The following DLGAP1 variants were observed in gnomAD, a reference collection of about 807,000 sequenced individuals.
DLGAP1 encodes disks large-associated protein 1.
DLGAP1 carries 11 observed loss-of-function variants against 90.8 expected under a neutral mutation model. The ratio of observed to expected loss-of-function variants is 0.12; its 90% confidence interval spans 0.08 to 0.20. DLGAP1 has a LOEUF of 0.20. Among genes scored for constraint, DLGAP1 ranks in the 10% least tolerant of loss-of-function variants. The pLI is 1.00. For missense variants in DLGAP1, 1,050 were observed against 1,333.8 expected (o/e 0.79, Z 3.31); for synonymous variants, 558 against 540.7 (o/e 1.03, Z -0.44).
At chr18:3,793,218 GCT>G (rs972216811) in intron 5 of DLGAP1, among the ~76,000 whole-genome samples, 3 of 152,090 alleles carry the variant, frequency 2.0e-5, no homozygotes, top group Non-Finnish European at 2.9e-5. Context: ...CCAATGGCCA[GCT>G]CTGTTTTCTT....
At chr18:3,536,876 G>C (rs1285256048) in intron 9 of DLGAP1, among the ~76,000 whole-genome samples, 1 of 152,138 alleles carries the variant, frequency 6.6e-6, no homozygotes, top group Non-Finnish European at 1.5e-5. Flanking sequence ...GAGAAGCAAG[G>C]AACTCTTTCT....
chr18:3,512,637 C>T (rs905675287), intron 10 of DLGAP1, among the ~76,000 whole-genome samples: 2 of 152,290 alleles, frequency 1.3e-5, no homozygotes, highest in East Asian at 1.9e-4. Flanking sequence ...CACAAACAGG[C>T]ATCTAATTAG....
intron 1 of DLGAP1, among the ~76,000 whole-genome samples, chr18:4,234,125 CT>C (rs2078356705): frequency 1.5e-5 from 2 of 134,450 alleles, no homozygotes; most frequent in South Asian, 4.5e-4. Context: ...TTTTTAGTTT[CT>C]TGGATGGAAG....
At chr18:3,737,203 C>T (rs2062683136) in intron 6 of DLGAP1, among the ~76,000 whole-genome samples, 1 of 151,128 alleles carries the variant, frequency 6.6e-6, no homozygotes, top group African/African-American at 2.4e-5. Flanking sequence ...CAAGGAGGAA[C>T]TGGTACCATT....
At chr18:4,326,314 A>G (rs1166153039) in intron 1 of DLGAP1, among the ~76,000 whole-genome samples, 1 of 152,178 alleles carries the variant, frequency 6.6e-6, no homozygotes, top group African/African-American at 2.4e-5. Flanking sequence ...CACAGATGTC[A>G]GAATGTCTAT....
chr18:4,016,335 C>T (rs2074523056), intron 2 of DLGAP1, among the ~76,000 whole-genome samples: 1 of 152,242 alleles, frequency 6.6e-6, no homozygotes, highest in Non-Finnish European at 1.5e-5. Flanking sequence ...TGAGCGGCCT[C>T]ACCTGTTATC....
At chr18:3,954,606 G>A (rs2073049474) in intron 3 of DLGAP1, among the ~76,000 whole-genome samples, 1 of 152,162 alleles carries the variant, frequency 6.6e-6, no homozygotes, top group African/African-American at 2.4e-5. Flanking sequence ...CAAATAAAGG[G>A]AAAGTCTCAG....
In DLGAP1 at chr18:4,317,002, C is replaced by G. The variant is rs573427854; in HGVS notation, c.-267+138004G>C. On this transcript the variant is annotated intron_variant, in intron 1 of 12. Transcript: ENST00000315677. The stretch of plus-strand genomic sequence containing the variant: ...TCCTCCTTCCCTCATGACCTACACC[C>G]AGGTCTACTGGTGAGGTCCCTGCTG... 7.5e-5 allele frequency among the ~76,000 whole-genome samples: 11 copies of G among 146,716 alleles called. No individual in the cohort carries two copies. In the South Asian group the frequency reaches 2.4e-3, roughly 32 times the overall value.
chr18:4,066,261 C>T (rs1008871250), intron 2 of DLGAP1, among the ~76,000 whole-genome samples: 1 of 152,060 alleles, frequency 6.6e-6, no homozygotes. Flanking sequence ...TCAAAGATTT[C>T]ATGATGAAGA....
At chr18:3,776,726 AAAAAAC>A (rs776352115) in intron 5 of DLGAP1, among the ~76,000 whole-genome samples, 48 of 152,320 alleles carry the variant, frequency 3.2e-4, no homozygotes, top group Middle Eastern at 3.4e-3. Context: ...GTTGCTATTT[AAAAAAC>A]AAAAACAAAA....
chr18:4,260,365 C>T (rs753949550), intron 1 of DLGAP1, among the ~76,000 whole-genome samples: 2 of 152,152 alleles, frequency 1.3e-5, no homozygotes, highest in Non-Finnish European at 2.9e-5. Context: ...GCTGGAAAGT[C>T]CCAACCTGCG....
At chr18:4,352,852 A>T (rs1307463931) in intron 1 of DLGAP1, among the ~76,000 whole-genome samples, 2 of 152,110 alleles carry the variant, frequency 1.3e-5, no homozygotes, top group African/African-American at 4.8e-5. Flanking sequence ...AATCCCCGTT[A>T]CTTTTGTAAA....
At chr18:4,147,393 A>G (rs1040792294) in intron 2 of DLGAP1, among the ~76,000 whole-genome samples, 4 of 152,154 alleles carry the variant, frequency 2.6e-5, no homozygotes, top group Non-Finnish European at 5.9e-5. Flanking sequence ...GGCTTTAACT[A>G]TGTAGTGTTA....
chr18:3,988,841 C>A (rs1485506770), intron 3 of DLGAP1, among the ~76,000 whole-genome samples: 2 of 152,208 alleles, frequency 1.3e-5, no homozygotes, highest in African/African-American at 4.8e-5. Context: ...AAATCAGTTT[C>A]TAATGCCAGT....
chr18:4,436,403 A>G (rs1021284606), intron 1 of DLGAP1, among the ~76,000 whole-genome samples: 1 of 151,990 alleles, frequency 6.6e-6, no homozygotes, highest in Non-Finnish European at 1.5e-5. Flanking sequence ...AAAGTTTCTG[A>G]TTCAGTATTT....
At position 3,762,071 on chromosome 18, in the gene DLGAP1, T is replaced by C. The variant is rs1396543024; in HGVS notation, c.1173-19559A>G. On this transcript the variant is annotated intron_variant, in intron 5 of 12. Coordinates refer to ENST00000315677, the MANE Select transcript of DLGAP1 (RefSeq NM_004746.4). ...GCTAATTCAGTGCCAGTTTTAAGGATGCTAAATAATATAGTAGTACTTCAG... is the reference window on the plus strand; with the variant it reads ...GCTAATTCAGTGCCAGTTTTAAGGACGCTAAATAATATAGTAGTACTTCAG... 1.3e-5 allele frequency among the ~76,000 whole-genome samples: 2 copies of C among 152,214 alleles called. 1 individual carries two copies. Among genetic ancestry groups the C allele is most frequent in the Non-Finnish European group, 2.9e-5 (2 of 68,046 alleles).
At chr18:3,975,467 G>A (rs191449830) in intron 3 of DLGAP1, among the ~76,000 whole-genome samples, 39 of 152,294 alleles carry the variant, frequency 2.6e-4, no homozygotes, top group Middle Eastern at 3.4e-3. Context: ...TGGCAAAGAT[G>A]TGGAGAAATT....
At chr18:3,874,396 G>C in intron 4 of DLGAP1, 3 of 1,448,412 alleles carry the variant, frequency 2.1e-6, no homozygotes, top group Admixed American at 2.8e-5. Flanking sequence ...CTGTTTGAAG[G>C]GATTTTTCTT....
chr18:3,740,248 T>G (rs1278090091), intron 6 of DLGAP1, among the ~76,000 whole-genome samples: 1 of 152,152 alleles, frequency 6.6e-6, no homozygotes, highest in East Asian at 1.9e-4. Flanking sequence ...AAATATGTGC[T>G]CCAAAAAGTT....
Sources: allele counts gnomAD v4.1 joint callset (sites outside exome capture counted in the v4.1 genomes callset), GRCh38; gene constraint gnomAD v4.1.1; transcripts MANE v1.5; gene names NCBI Gene and HGNC (gene_info 2026-07-23, HGNC 2026-07-21).